The following PAFAH2 variants were observed in gnomAD, a reference collection of about 807,000 sequenced individuals.
PAFAH2 encodes platelet activating factor acetylhydrolase 2, also known as platelet-activating factor acetylhydrolase 2, cytoplasmic.
In PAFAH2, 42 loss-of-function variants were observed where a neutral mutation model predicts 49.0. The ratio of observed to expected loss-of-function variants is 0.86; its 90% CI spans 0.67 to 1.11. The LOEUF is 1.11. PAFAH2 is among the 50% of genes least tolerant of loss of function. The pLI is 0.00. For missense variants in PAFAH2, 503 were observed against 501.8 expected (o/e 1.00, Z -0.02); for synonymous variants, 184 against 181.3 (o/e 1.01, Z -0.12).
chr1:25,986,828 G>C (rs1365287623), intron 4 of PAFAH2, among the ~76,000 whole-genome samples: 1 of 152,002 alleles, frequency 6.6e-6, no homozygotes, highest in Non-Finnish European at 1.5e-5. Context: ...ACCGCGCTCG[G>C]CCAAAAATTT....
rs773518502 is a variant in PAFAH2 at position 25,974,587 on chromosome 1, T to A, written c.822A>T (p.Arg274=). 3.0e-5 allele frequency: 48 copies of A among 1,613,996 alleles called. No individual in the cohort carries two copies. In the East Asian group the frequency reaches 1.1e-3, roughly 36 times the overall value. The change falls in exon 9 of 11, where the codon CGA becomes CGT. Residue 274 remains arginine, a synonymous_variant. Coordinates refer to ENST00000374282, the MANE Select transcript of PAFAH2 (RefSeq NM_000437.4). ...PLERDFYPKA[R]GPVFFINTEK... ...CAGTATTGATAAAGAACACAGGTCC[T>A]CGGGCCTTGGGGTAAAAGTCACGTT...
intron 10 of PAFAH2, among the ~76,000 whole-genome samples, chr1:25,966,672 ATGT>A (rs532459822): frequency 6.6e-6 from 1 of 152,124 alleles, no homozygotes; most frequent in East Asian, 1.9e-4. Context: ...ACTGGATACA[ATGT>A]TCACTATTCG....
intron 9 of PAFAH2, among the ~76,000 whole-genome samples, chr1:25,973,133 T>A (rs1389076229): frequency 6.6e-6 from 1 of 152,184 alleles, no homozygotes; most frequent in Non-Finnish European, 1.5e-5. Flanking sequence ...ACAAATGAAG[T>A]TATTCTTCAG....
chr1:25,993,512 T>C (rs1458454646), intron 1 of PAFAH2, among the ~76,000 whole-genome samples: 1 of 152,214 alleles, frequency 6.6e-6, no homozygotes, highest in African/African-American at 2.4e-5. Context: ...CTGCCACTTG[T>C]CTGGTCTCAA....
At chr1:25,997,437 A>G (rs2049951962) in intron 1 of PAFAH2, 1 of 152,238 alleles carries the variant, frequency 6.6e-6, no homozygotes. Flanking sequence ...TGGCTCCTCA[A>G]CACTCCTCAC....
intron 7 of PAFAH2, among the ~76,000 whole-genome samples, chr1:25,978,692 C>T (rs975427788): frequency 7.2e-5 from 11 of 152,108 alleles, no homozygotes; most frequent in Admixed American, 5.9e-4. Context: ...ATGCAAACAA[C>T]AAATTTGGGA....
intron 1 of PAFAH2, among the ~76,000 whole-genome samples, chr1:25,995,749 C>T (rs929943617): frequency 6.6e-6 from 1 of 152,086 alleles, no homozygotes; most frequent in African/African-American, 2.4e-5. Flanking sequence ...TTTTGGCACA[C>T]TTATGCCTCA....
chr1:25,989,405 C>T, intron 3 of PAFAH2, 43 bp downstream of exon 3: 1 of 1,511,138 alleles, frequency 6.6e-7, no homozygotes, highest in Non-Finnish European at 8.9e-7. Context: ...AGGAACATAA[C>T]CAAGCAACTG....
chr1:25,974,307 G>A (rs1557517571), intron 9 of PAFAH2, among the ~76,000 whole-genome samples, 173 bp downstream of exon 9: 1 of 152,336 alleles, frequency 6.6e-6, no homozygotes, highest in East Asian at 1.9e-4. Flanking sequence ...ATGGAGCTCA[G>A]TGGAGAAGAA....
chr1:25,983,815 C>T, intron 6 of PAFAH2, 131 bp downstream of exon 6: 1 of 997,362 alleles, frequency 1.0e-6, no homozygotes, highest in Non-Finnish European at 1.5e-6. Flanking sequence ...TATGTATTTC[C>T]ACTGATGTGG....
chr1:25,979,630 G>A (rs1425426636), intron 7 of PAFAH2, among the ~76,000 whole-genome samples: 2 of 152,064 alleles, frequency 1.3e-5, no homozygotes, highest in African/African-American at 2.4e-5. Context: ...TGGGATCACA[G>A]GTGTCTGCCA....
At chr1:25,974,787 C>T (rs970247654) in intron 8 of PAFAH2, 137 bp from the exon 9 acceptor site, 13 of 660,954 alleles carry the variant, frequency 2.0e-5, no homozygotes, top group East Asian at 8.7e-5. Context: ...CCAGGGCCCA[C>T]GGCCTTCAGT....
At chr1:25,967,644 C>T (rs947740433) in intron 10 of PAFAH2, among the ~76,000 whole-genome samples, 3 of 152,028 alleles carry the variant, frequency 2.0e-5, no homozygotes, top group African/African-American at 7.3e-5. Context: ...CTGACAATAG[C>T]GGTTTTGATG....
In PAFAH2 at chr1:25,984,508, C is replaced by A. The variant is rs1324898946; in HGVS notation, c.362G>T (p.Cys121Phe). 5 of 1,613,732 alleles carry A rather than the reference C, an allele frequency of 3.1e-6. No individual in the cohort carries two copies. ...GAFRTLYSAF[C>F]MELASRGFVV... is the part of the protein sequence containing the mutation. ...AAAGCCACGTGAGGCCAGCTCCATG[C>A]AGAAGGCTGAATACAAAGTCCTGGA... Residue 121 changes from cysteine to phenylalanine, a missense_variant, in exon 5 of 11, where the codon TGC becomes TTC. By Grantham distance (205) the Cys-to-Phe change is radical (BLOSUM62 -2). Coordinates refer to ENST00000374282, the MANE Select transcript of PAFAH2 (RefSeq NM_000437.4).
chr1:25,965,265 A>G (rs1448088067), intron 10 of PAFAH2, among the ~76,000 whole-genome samples: 1 of 152,222 alleles, frequency 6.6e-6, no homozygotes, highest in Middle Eastern at 3.2e-3. Flanking sequence ...AAATTAACTC[A>G]AGATGGATTA....
chr1:25,974,539 A>C lies in PAFAH2; in HGVS notation c.870T>G (p.Ser290Arg). 6.2e-7 allele frequency: 1 copy of C among 1,613,776 alleles called. No homozygotes were observed. The highest frequency in any genetic ancestry group is 8.5e-7 in the Non-Finnish European group (1 of 1,179,932). Residue 290 changes from serine to arginine, a missense_variant, in exon 9 of 11, where the codon AGT becomes AGG. Physicochemically the swap from Ser to Arg is moderately radical, Grantham distance 110. Transcript: ENST00000374282. ...CACATATCTTCTTCATCAAATTGAC[A>C]CTCTCCATTGTCTGGAATTTCTCAG... is the stretch of plus-strand genomic sequence containing the variant. ...INTEKFQTME[S>R]VNLMKKICAQ...
chr1:25,971,790 C>T (rs988178686), intron 10 of PAFAH2, among the ~76,000 whole-genome samples: 4 of 152,238 alleles, frequency 2.6e-5, no homozygotes, highest in African/African-American at 9.6e-5. Flanking sequence ...CCATGGACCT[C>T]TGCAGGCCTC....
intron 3 of PAFAH2, among the ~76,000 whole-genome samples, chr1:25,988,589 C>T (rs998543487): frequency 4.6e-5 from 7 of 151,734 alleles, no homozygotes; most frequent in African/African-American, 1.2e-4. Flanking sequence ...CCAAGGAGGG[C>T]GGATCACGAG....
At chr1:25,969,582 A>G (rs527668301) in intron 10 of PAFAH2, among the ~76,000 whole-genome samples, 1 of 152,334 alleles carries the variant, frequency 6.6e-6, no homozygotes, top group Non-Finnish European at 1.5e-5. Flanking sequence ...GCAGTTAATA[A>G]TAAAGGTATC....
Sources: allele counts gnomAD v4.1 joint callset (sites outside exome capture counted in the v4.1 genomes callset), GRCh38; gene constraint gnomAD v4.1.1; transcripts MANE v1.5; gene names NCBI Gene and HGNC (gene_info 2026-07-23, HGNC 2026-07-21).